The following EPHA4 variants were observed in gnomAD, a reference collection of about 807,000 sequenced individuals.
The protein encoded by EPHA4 is ephrin type-A receptor 4.
Under a neutral mutation model 108.3 loss-of-function variants are expected in EPHA4, and 19 were observed. The observed-to-expected ratio is 0.18, with a 90% CI of 0.12 to 0.26. The LOEUF is 0.26. EPHA4 is among the 10% of genes least tolerant of loss of function. The pLI is 1.00. For missense variants in EPHA4, 917 were observed against 1,254.0 expected, an observed-to-expected ratio of 0.73 and a Z score of 4.06; for synonymous variants, 449 against 455.5, an observed-to-expected ratio of 0.99 and a Z score of 0.18.
intron 3 of EPHA4, among the ~76,000 whole-genome samples, chr2:221,523,140 A>T (rs1693223587): frequency 6.6e-6 from 1 of 152,064 alleles, no homozygotes; most frequent in South Asian, 2.1e-4. Flanking sequence ...CCTCACTTAC[A>T]AAAGAGAACA....
At position 221,426,472 on chromosome 2, in the gene EPHA4, C is replaced by G; in HGVS notation, c.2838G>C (p.Val946=). The G allele has an allele frequency of 6.2e-7, 1 of 1,603,248 alleles. No individual in the cohort carries two copies. The highest frequency in any genetic ancestry group is 8.5e-7 in the Non-Finnish European group (1 of 1,177,342). The change falls in exon 16 of 18, where the codon GTG becomes GTC. Residue 946 remains valine (V), a synonymous_variant. Coordinates refer to ENST00000281821, the MANE Select transcript of EPHA4 (RefSeq NM_004438.5). ...CATCGTTGAGTACTTACTCCTGGTT[C>G]ACGTGCACCACAGCCTCTAGTGTGG... ...GYTTLEAVVH[V]NQEDLARIGI...
chr2:221,572,416 A>AG (rs11381414), upstream of EPHA4: 550,214 of 550,224 alleles, frequency 1, 275,102 homozygotes, highest in Middle Eastern at 1. Flanking sequence ...AGGGCGGCCG[A>AG]GCCCCGCCTT....
intron 3 of EPHA4, among the ~76,000 whole-genome samples, chr2:221,515,197 G>A (rs1692956346): frequency 6.6e-6 from 1 of 152,152 alleles, no homozygotes; most frequent in African/African-American, 2.4e-5. Flanking sequence ...CTGGGTTCAA[G>A]CGATTCTCCT....
chr2:221,538,150 G>A (rs1419198429), intron 3 of EPHA4, among the ~76,000 whole-genome samples: 1 of 152,198 alleles, frequency 6.6e-6, no homozygotes, highest in African/African-American at 2.4e-5. Context: ...TGAAACAGAT[G>A]TATGAGTAGG....
At chr2:221,548,840 G>C (rs930427277) in intron 3 of EPHA4, among the ~76,000 whole-genome samples, 6 of 152,114 alleles carry the variant, frequency 3.9e-5, no homozygotes, top group African/African-American at 1.4e-4. Flanking sequence ...TCATAGTCTA[G>C]AAGTTCATAA....
intron 3 of EPHA4, among the ~76,000 whole-genome samples, chr2:221,547,802 C>G (rs1208208293): frequency 6.6e-6 from 1 of 152,182 alleles, no homozygotes; most frequent in African/African-American, 2.4e-5. Flanking sequence ...CATGGCCAAA[C>G]ACATCCATCA....
intron 3 of EPHA4, among the ~76,000 whole-genome samples, chr2:221,516,598 G>T (rs1301894863): frequency 1.3e-5 from 2 of 152,084 alleles, no homozygotes. Context: ...CAGGTGATCG[G>T]CCCGCCTCGG....
intron 3 of EPHA4, among the ~76,000 whole-genome samples, chr2:221,503,238 T>C (rs1324850380): frequency 2.0e-5 from 3 of 152,194 alleles, no homozygotes; most frequent in Non-Finnish European, 4.4e-5. Flanking sequence ...TGCAGAAAAC[T>C]GCATATTACT....
At chr2:221,519,327 G>A (rs1403391439) in intron 3 of EPHA4, among the ~76,000 whole-genome samples, 6 of 152,002 alleles carry the variant, frequency 3.9e-5, no homozygotes, top group Non-Finnish European at 8.8e-5. Context: ...TTTTCTCGTC[G>A]AACTTTAAAT....
Position 221,564,414 on chromosome 2 carries a change from A to G in EPHA4, c.160-20T>C, listed in dbSNP as rs1218371080. ...CTCCCACTGCAAAGATCCAAAGCAG[A>G]TGTATCAACTACAAAGTTTCATCAT... On this transcript the variant is annotated intron_variant, in intron 2 of 17. Transcript: ENST00000281821. The G allele has an allele frequency of 5.0e-6, 8 of 1,589,616 alleles. No homozygotes were observed. The highest frequency in any genetic ancestry group is 1.7e-5 in the Admixed American group (1 of 58,402).
intron 3 of EPHA4, among the ~76,000 whole-genome samples, chr2:221,503,604 A>T (rs1692543975): frequency 6.6e-6 from 1 of 152,192 alleles, no homozygotes; most frequent in Non-Finnish European, 1.5e-5. Flanking sequence ...ATATATGTGA[A>T]TTCATTTGGG....
At chr2:221,545,236 GAGGTGGGCGGATCACGAGGTC>G (rs199503723) in intron 3 of EPHA4, among the ~76,000 whole-genome samples, 1 of 151,400 alleles carries the variant, frequency 6.6e-6, no homozygotes, top group African/African-American at 2.4e-5. Flanking sequence ...TCACGAGGTC[GAGGTGGGCGGATCACGAGGTC>G]GGGAGATCGA....
intron 9 of EPHA4, among the ~76,000 whole-genome samples, chr2:221,444,434 G>A (rs180703652): frequency 1.5e-3 from 234 of 151,104 alleles, no homozygotes; most frequent in Middle Eastern, 6.8e-3. Flanking sequence ...GGCACAGAGG[G>A]TATGAAGGAC....
intron 1 of EPHA4, 55 bp from the exon 2 acceptor site, chr2:221,568,840 A>G: frequency 6.7e-7 from 1 of 1,494,606 alleles, no homozygotes; most frequent in Non-Finnish European, 9.2e-7. Context: ...AGCCAATAAC[A>G]CAAAAACCAT....
rs536786145 is a variant in EPHA4 at position 221,564,535 on chromosome 2, A to C, written c.160-141T>G. 99 of 808,000 alleles carry C rather than the reference A, an allele frequency of 1.2e-4. No individual in the cohort carries two copies. The African/African-American group carries it at 1.6e-3, about 13-fold the overall frequency. The allele number at this position is 808,000 out of a possible 1,614,324, so 50.1% of individuals were successfully genotyped here. On this transcript the variant is annotated intron_variant, in intron 2 of 17. Coordinates refer to ENST00000281821, the MANE Select transcript of EPHA4 (RefSeq NM_004438.5). Reference sequence around the variant, plus strand: ...CTACTGAGCACCAATCATCACTAATAAAGGATCTTATGGGAGATAAGACAA... The same window carrying C: ...CTACTGAGCACCAATCATCACTAATCAAGGATCTTATGGGAGATAAGACAA...
intron 3 of EPHA4, among the ~76,000 whole-genome samples, chr2:221,526,011 A>C (rs1306959336): frequency 6.6e-6 from 1 of 152,268 alleles, no homozygotes; most frequent in African/African-American, 2.4e-5. Context: ...GAGGTTTATC[A>C]CATTTCAAAA....
At chr2:221,436,347 A>G (rs914376433) in intron 13 of EPHA4, 52 bp downstream of exon 13, 4 of 1,560,798 alleles carry the variant, frequency 2.6e-6, no homozygotes, top group South Asian at 1.1e-5. Flanking sequence ...AAGTGAGAAG[A>G]GAGGAACAGT....
chr2:221,433,674 T>C (rs1051255892), intron 14 of EPHA4, among the ~76,000 whole-genome samples: 2 of 152,212 alleles, frequency 1.3e-5, no homozygotes, highest in African/African-American at 2.4e-5. Flanking sequence ...CCAAGGGTCA[T>C]TGAGTGAAGC....
At chr2:221,566,956 GGGA>G (rs1694679095) in intron 2 of EPHA4, among the ~76,000 whole-genome samples, 1 of 6,484 alleles carries the variant, frequency 1.5e-4, no homozygotes, top group Non-Finnish European at 3.1e-4. Flanking sequence ...GAAGGAGAAG[GGGA>G]AGAGGAAGAG....
Sources: gnomAD v4.1 joint callset for allele counts (sites outside exome capture counted in the v4.1 genomes callset) on GRCh38, gnomAD v4.1.1 for gene constraint, MANE v1.5 for transcripts, NCBI Gene and HGNC (gene_info 2026-07-23, HGNC 2026-07-21) for gene names.